Variants in GTPBP4 observed in about 807,000 individuals in gnomAD.
The protein encoded by GTPBP4 is GTP-binding protein 4.
In GTPBP4, 15 loss-of-function variants were observed where a neutral mutation model predicts 81.7. The ratio of observed to expected loss-of-function variants is 0.18; its 90% CI spans 0.12 to 0.28. GTPBP4 has a LOEUF of 0.28. Among genes scored for constraint, GTPBP4 ranks in the 10% least tolerant of loss-of-function variants. The pLI, the probability that GTPBP4 is intolerant of heterozygous loss-of-function variation, is 1.00. For synonymous variants in GTPBP4, 272 were observed against 274.6 expected (o/e 0.99, Z 0.09); for missense variants, 847 against 793.8 (o/e 1.07, Z -0.81).
chr10:1,005,944 CTG>C, intron 9 of GTPBP4, 37 bp downstream of exon 9: 1 of 1,016,956 alleles, frequency 9.8e-7, no homozygotes. Context: ...AGTCTTTTTA[CTG>C]TCTCTTGTTT....
In GTPBP4 at chr10:1,004,193, TG is replaced by T. The variant is rs528022157; in HGVS notation, c.913-1621del. On this transcript the variant is annotated intron_variant, in intron 8 of 16. Coordinates refer to ENST00000360803, the MANE Select transcript of GTPBP4 (RefSeq NM_012341.3). ...AGGGGAACTCTGGACCCTGGGATGG[TG>T]GGGCCCAGCAGTATCCCAGACTCTC... is the stretch of plus-strand genomic sequence containing the variant. Among the ~76,000 whole-genome samples the T allele has an allele frequency of 3.5e-4, 53 of 152,106 alleles. No individual in the cohort carries two copies. The South Asian group carries it at 6.0e-3, about 17-fold the overall frequency.
chr10:997,204 C>G lies in GTPBP4; in HGVS notation c.461-4C>G. 1 of 1,517,160 alleles carries G rather than the reference C, an allele frequency of 6.6e-7. No individual in the cohort carries two copies. The highest frequency in any genetic ancestry group is 9.1e-7 in the Non-Finnish European group (1 of 1,098,330). 94.0% of individuals were successfully genotyped at this position (1,517,160 alleles called of 1,614,324 possible). ...CTTAATTTTTCAATTTGAACTTTTC[C>G]TAGTGCGTCAGCATTTATCCCGTTT... On this transcript the variant is annotated splice_region_variant and splice_polypyrimidine_tract_variant and intron_variant, in intron 4 of 16. Coordinates refer to ENST00000360803, the MANE Select transcript of GTPBP4 (RefSeq NM_012341.3).
intron 14 of GTPBP4, 101 bp downstream of exon 14, chr10:1,012,763 T>C: frequency 1.4e-6 from 1 of 735,446 alleles, no homozygotes; most frequent in East Asian, 2.7e-5. Context: ...TTTATGGCCA[T>C]AAGATTGCAC....
chr10:1,012,575 G>C lies in GTPBP4; in HGVS notation c.1455G>C (p.Lys485Asn), dbSNP rs1564471414. 2.5e-6 allele frequency: 4 copies of C among 1,613,976 alleles called. No homozygotes were observed. The highest frequency in any genetic ancestry group is 1.7e-5 in the Admixed American group (1 of 60,020). The change falls in exon 14 of 17, where the codon AAG becomes AAC. Residue 485 changes from lysine to asparagine, a missense_variant. This residue lies in a region of GTPBP4 where 600 missense variants were observed against 557.1 expected (regional missense o/e 1.08). Transcript: ENST00000360803. ...TGCTGGAAATCCGACAGCTGGCAAA[G>C]CAAATTCGAGAGAAAAAGAAGTTGA... The part of the protein sequence containing the change: ...EEMLEIRQLA[K>N]QIREKKKLKI...
At chr10:1,005,754 C>T (rs183416284) in intron 8 of GTPBP4, 64 bp from the exon 9 acceptor site, 1 of 908,272 alleles carries the variant, frequency 1.1e-6, no homozygotes, top group Admixed American at 1.7e-5. Flanking sequence ...CAGAACTGTA[C>T]AGTTTGTTCC....
rs770719815 is a variant in GTPBP4, at chr10:997,208, T to C, written c.461T>C (p.Val154Ala). ...ATTTTTCAATTTGAACTTTTCCTAG[T>C]GCGTCAGCATTTATCCCGTTTGCCA... ...QKQSLEYLEQ[V>A]RQHLSRLPTI... The change falls in exon 5 of 17, where the codon GTG (valine) becomes GCG (alanine). Residue 154 changes from valine (V) to alanine (A), a missense_variant and splice_region_variant. By Grantham distance (64) the Val-to-Ala change is moderately conservative. Coordinates refer to ENST00000360803, the MANE Select transcript of GTPBP4 (RefSeq NM_012341.3). The C allele has an allele frequency of 1.1e-5, 17 of 1,540,276 alleles. No homozygotes were observed. The highest frequency in any genetic ancestry group is 1.4e-5 in the Non-Finnish European group (16 of 1,117,812).
At chr10:1,016,083 C>G (rs1333683338) in intron 16 of GTPBP4, among the ~76,000 whole-genome samples, 187 bp downstream of exon 16, 1 of 152,236 alleles carries the variant, frequency 6.6e-6, no homozygotes, top group Non-Finnish European at 1.5e-5. Flanking sequence ...ATGCCCCTGA[C>G]AGCTGCCCTG....
chr10:1,016,006 T>G, intron 16 of GTPBP4, 110 bp downstream of exon 16: 1 of 964,412 alleles, frequency 1.0e-6, no homozygotes, highest in Non-Finnish European at 1.6e-6. Flanking sequence ...TGGCAGGGGT[T>G]GTGTGTACTG....
intron 13 of GTPBP4, among the ~76,000 whole-genome samples, chr10:1,011,166 C>T (rs1831861831): frequency 6.6e-6 from 1 of 150,526 alleles, no homozygotes; most frequent in Non-Finnish European, 1.5e-5. Flanking sequence ...TCCCTCCATC[C>T]TGACTGTGCC....
intron 1 of GTPBP4, among the ~76,000 whole-genome samples, chr10:989,560 T>G (rs1386000889): frequency 6.6e-6 from 1 of 152,110 alleles, no homozygotes; most frequent in Non-Finnish European, 1.5e-5. Flanking sequence ...AGAGTGACTG[T>G]TTTCCCCTCG....
rs1564471897 is a variant in GTPBP4 at position 1,014,321 on chromosome 10, G to A, written c.1608+9G>A. 2 of 1,597,412 alleles carry A rather than the reference G, an allele frequency of 1.3e-6. No individual in the cohort carries two copies. The highest frequency in any genetic ancestry group is 1.3e-5 in the African/African-American group (1 of 74,566). ...TGGACGATAAAGACGATGTGAGTGT[G>A]GGGGCGGTTCATGTGTTTATGTGGC... On this transcript the variant is annotated intron_variant, in intron 15 of 16. Coordinates refer to ENST00000360803, the MANE Select transcript of GTPBP4 (RefSeq NM_012341.3).
chr10:1,015,362 CGGGGCTGGGGTCCTG>C (rs1564472172), intron 15 of GTPBP4, among the ~76,000 whole-genome samples: 10 of 148,412 alleles, frequency 6.7e-5, no homozygotes, highest in African/African-American at 2.6e-4. Context: ...AGCCTGGGTG[CGGGGCTGGGGTCCTG>C]AGCTCTGAGC....
chr10:1,017,336 TAAGTA>T lies in GTPBP4; in HGVS notation c.*113_*117del. 9.7e-7 allele frequency: 1 copy of T among 1,027,846 alleles called. No individual in the cohort carries two copies. Among genetic ancestry groups the T allele is most frequent in the South Asian group, 1.6e-5 (1 of 60,704 alleles). 63.7% of individuals were successfully genotyped at this position (1,027,846 alleles called of 1,614,324 possible). A position where few individuals can be genotyped will look rare whatever the true frequency, so the allele number is the denominator to read the frequency against. The stretch of plus-strand genomic sequence containing the variant: ...TCTGTATAAACTGAAAAAGACAAAA[TAAGTA>T]AAGCACTTGTTGCTTTGCTGAAAAC... On this transcript the variant is annotated 3_prime_UTR_variant, in exon 17 of 17. Transcript: ENST00000360803.
chr10:996,475 A>C, intron 4 of GTPBP4: 1 of 333,544 alleles, frequency 3.0e-6, no homozygotes, highest in Non-Finnish European at 5.3e-6. Flanking sequence ...TAGGTAAGGC[A>C]TACACAAAAA....
In GTPBP4 at chr10:1,009,455, A is replaced by G. The variant is rs1831809981; in HGVS notation, c.1192-74A>G. The G allele has an allele frequency of 8.2e-6, 8 of 972,472 alleles. No individual in the cohort carries two copies. In the South Asian group the frequency reaches 9.0e-5, roughly 11 times the overall value. 60.2% of individuals were successfully genotyped at this position (972,472 alleles called of 1,614,324 possible). On this transcript the variant is annotated intron_variant, in intron 11 of 16. Transcript: ENST00000360803. ...GAGGATTGGAGAAAAGATTGTTTCAAGTGACAAGGGGCAGAGCATTTCTGG... is the reference window on the plus strand; with the variant it reads ...GAGGATTGGAGAAAAGATTGTTTCAGGTGACAAGGGGCAGAGCATTTCTGG...
intron 2 of GTPBP4, among the ~76,000 whole-genome samples, chr10:992,896 C>T (rs942670821): frequency 6.6e-6 from 1 of 152,206 alleles, no homozygotes; most frequent in Non-Finnish European, 1.5e-5. Flanking sequence ...TCTAAGGAGG[C>T]CCCAAGCTGT....
At chr10:1,005,784 TA>T (rs773585470) in intron 8 of GTPBP4, 33 bp from the exon 9 acceptor site, 3 of 1,181,488 alleles carry the variant, frequency 2.5e-6, no homozygotes, top group Non-Finnish European at 3.8e-6. Flanking sequence ...TGGAAATGAA[TA>T]ATACATCTCT....
In GTPBP4 at chr10:1,014,320, T is replaced by TG; in HGVS notation, c.1608+13dup. The TG allele has an allele frequency of 6.3e-7, 1 of 1,598,170 alleles. No homozygotes were observed. Among genetic ancestry groups the TG allele is most frequent in the Non-Finnish European group, 8.6e-7 (1 of 1,165,808 alleles). On this transcript the variant is annotated intron_variant, in intron 15 of 16. Transcript: ENST00000360803. ...ATGGACGATAAAGACGATGTGAGTG[T>TG]GGGGGCGGTTCATGTGTTTATGTGG... is the stretch of plus-strand genomic sequence containing the variant.
Position 1,019,840 on chromosome 10 carries a change from G to C in GTPBP4, c.*2613G>C, listed in dbSNP as rs1248909493. ...ACAATGTCCTCTGGAGAAATCTATT[G>C]ACAGAAATTGGTGCAGTGTTAACAA... On this transcript the variant is annotated 3_prime_UTR_variant, in exon 17 of 17. Coordinates refer to ENST00000360803, the MANE Select transcript of GTPBP4 (RefSeq NM_012341.3). The C allele has an allele frequency of 1.0e-5, 16 of 1,605,638 alleles. No homozygotes were observed. The highest frequency in any genetic ancestry group is 1.4e-5 in the Non-Finnish European group (16 of 1,172,548).
Sources: allele counts gnomAD v4.1 joint callset (sites outside exome capture counted in the v4.1 genomes callset), GRCh38; gene constraint gnomAD v4.1.1; regional missense constraint gnomAD v4.1.1; transcripts MANE v1.5; gene names NCBI Gene and HGNC (gene_info 2026-07-23, HGNC 2026-07-21).